ZNF780B: variants seen among roughly 807,000 people sequenced by gnomAD.
The protein encoded by ZNF780B is zinc finger protein 780B, also known as zinc finger protein 779.
In ZNF780B, 52 loss-of-function variants were observed where a neutral mutation model predicts 74.1. The observed-to-expected ratio is 0.70, with a 90% CI of 0.56 to 0.88. ZNF780B has a LOEUF of 0.88. ZNF780B is among the 40% of genes least tolerant of loss of function. ZNF780B has a pLI of 0.00. For synonymous variants in ZNF780B, 315 were observed against 324.3 expected, an observed-to-expected ratio of 0.97 and a Z score of 0.31; for missense variants, 953 against 1,007.6, an observed-to-expected ratio of 0.95 and a Z score of 0.73.
chr19:40,050,423 G>A (rs1179792295), intron 1 of ZNF780B, 46 bp from the exon 2 acceptor site: 36 of 1,478,076 alleles, frequency 2.4e-5, no homozygotes, highest in South Asian at 8.4e-5. Context: ...AGCTGTGTCC[G>A]AAAGCACTAG....
intron 1 of ZNF780B, chr19:40,055,657 G>A (rs1363401770): frequency 1.3e-5 from 2 of 152,186 alleles, no homozygotes; most frequent in Admixed American, 6.5e-5. Flanking sequence ...AGATCTCTGA[G>A]GGACGCTGGG....
At chr19:40,039,753 T>C (rs1023593814) in intron 4 of ZNF780B, among the ~76,000 whole-genome samples, 2 of 152,214 alleles carry the variant, frequency 1.3e-5, no homozygotes, top group African/African-American at 4.8e-5. Flanking sequence ...TTTTTGTACA[T>C]TGATTTTGTA....
chr19:40,048,890 G>A (rs142342726), intron 2 of ZNF780B, 94 bp from the exon 3 acceptor site: 1 of 1,566,608 alleles, frequency 6.4e-7, no homozygotes, highest in East Asian at 2.2e-5. Flanking sequence ...CAATAAAGGA[G>A]CAATATGGAA....
chr19:40,033,580 A>C lies in ZNF780B; in HGVS notation c.*777T>G, dbSNP rs1485323773. On this transcript the variant is annotated 3_prime_UTR_variant, in exon 5 of 5. Transcript: ENST00000434248. ...CCAGGCCACGATGAAAGTTCTTCAC[A>C]CATTCTTTTATGTTCACAGGATTTC... 6.5e-6 allele frequency: 1 copy of C among 153,030 alleles called. No individual in the cohort carries two copies. The allele number at this position is 153,030 out of a possible 1,614,324, so 9.5% of individuals were successfully genotyped here.
At position 40,036,045 on chromosome 19, in the gene ZNF780B, C is replaced by G; in HGVS notation, c.814G>C (p.Ala272Pro). 1.9e-6 allele frequency: 3 copies of G among 1,613,674 alleles called. No homozygotes were observed. The highest frequency in any genetic ancestry group is 2.2e-5 in the South Asian group (2 of 91,022). Reference sequence around the variant, plus strand: ...TTACATTGATATGGTTTTACACCAGCATGAATACTTTGATGCTGAGTAAGG... The same window carrying G: ...TTACATTGATATGGTTTTACACCAGGATGAATACTTTGATGCTGAGTAAGG... ...SNLTQHQSIHAGVKPYQCKEC... is the reference protein window; with the variant it reads ...SNLTQHQSIHPGVKPYQCKEC... Residue 272 changes from alanine to proline, a missense_variant, in exon 5 of 5, where the codon GCT becomes CCT. By Grantham distance (27) the Ala-to-Pro change is conservative. Transcript: ENST00000434248.
chr19:40,030,338 C>G lies in ZNF780B; in HGVS notation c.*4019G>C, dbSNP rs958157315. 2.2e-4 allele frequency: 34 copies of G among 152,228 alleles called. No homozygotes were observed. The highest frequency in any genetic ancestry group is 8.2e-4 in the African/African-American group (34 of 41,402). 9.4% of individuals were successfully genotyped at this position (152,228 alleles called of 1,614,324 possible). A position where few individuals can be genotyped will look rare whatever the true frequency, so the allele number is the denominator to read the frequency against. On this transcript the variant is annotated 3_prime_UTR_variant, in exon 5 of 5. Transcript: ENST00000434248. ...GTGCCAGGCTCTTTTGTACAACCAG[C>G]TCTCATAGGAACTAACAGAGTGATA...
rs777119115 is a variant in ZNF780B, at chr19:40,048,691, A to C, written c.115T>G (p.Tyr39Asp). 7 of 1,614,226 alleles carry C rather than the reference A, an allele frequency of 4.3e-6. No individual in the cohort carries two copies. The South Asian group carries it at 7.7e-5, about 18-fold the overall frequency. Residue 39 changes from tyrosine (Y) to aspartate (D), a missense_variant, in exon 3 of 5, where the codon TAC becomes GAC. Tyr to Asp is a radical substitution (Grantham distance 160, BLOSUM62 -3). Transcript: ENST00000434248. The part of the protein sequence containing the change: ...TLYRDVMLEN[Y>D]SHLISLGSSI... ...TTACCCAGTGATATCAGGTGGCTGT[A>C]GTTCTCCAACATCACATCCCTGTAC... is the stretch of plus-strand genomic sequence containing the variant.
At chr19:40,049,323 CA>C (rs1295288036) in intron 2 of ZNF780B, among the ~76,000 whole-genome samples, 1 of 149,720 alleles carries the variant, frequency 6.7e-6, no homozygotes, top group East Asian at 1.9e-4. Flanking sequence ...CAGATGATAG[CA>C]AAAGTATTTT....
In ZNF780B at chr19:40,034,938, A is replaced by G; in HGVS notation, c.1921T>C (p.Phe641Leu). Residue 641 changes from phenylalanine (F) to leucine (L), a missense_variant, in exon 5 of 5, where the codon TTT (phenylalanine) becomes CTT (leucine). Phe to Leu is a conservative substitution (Grantham distance 22). Transcript: ENST00000434248. ...HKNIHTGEKP[F>L]KCKECGKSFN... ...GACTTCCCACATTCTTTACATTTAA[A>G]TGGCTTCTCACCTGTGTGAATGTTC... 6.2e-7 allele frequency: 1 copy of G among 1,614,104 alleles called. No individual in the cohort carries two copies. The highest frequency in any genetic ancestry group is 8.5e-7 in the Non-Finnish European group (1 of 1,180,020).
At chr19:40,053,460 G>A (rs897268562) in intron 1 of ZNF780B, among the ~76,000 whole-genome samples, 7 of 152,184 alleles carry the variant, frequency 4.6e-5, no homozygotes, top group African/African-American at 1.7e-4. Flanking sequence ...CACTGTTGGT[G>A]AGAATGTAAA....
In ZNF780B at chr19:40,036,006, C is replaced by T. The variant is rs770128550; in HGVS notation, c.853G>A (p.Ala285Thr). ...KPYQCKECGK[A>T]FNRGSNLIQH... is the part of the protein sequence containing the mutation. Reference sequence around the variant, plus strand: ...ATAAGATTTGAACCACGATTAAAGGCTTTCCCACACTCCTTACATTGATAT... The same window carrying T: ...ATAAGATTTGAACCACGATTAAAGGTTTTCCCACACTCCTTACATTGATAT... The change falls in exon 5 of 5, where the codon GCC (alanine) becomes ACC (threonine). Residue 285 changes from alanine (A) to threonine (T), a missense_variant. Transcript: ENST00000434248. The T allele has an allele frequency of 6.2e-7, 1 of 1,614,052 alleles. No individual in the cohort carries two copies. The highest frequency in any genetic ancestry group is 1.7e-5 in the Admixed American group (1 of 60,000).
intron 1 of ZNF780B, among the ~76,000 whole-genome samples, chr19:40,050,605 A>C (rs1973179602): frequency 6.6e-6 from 1 of 152,180 alleles, no homozygotes; most frequent in Non-Finnish European, 1.5e-5. Context: ...ATCCCAGGGA[A>C]CCTGCGGCGG....
chr19:40,053,790 A>G (rs1409032263), intron 1 of ZNF780B, among the ~76,000 whole-genome samples: 2 of 152,220 alleles, frequency 1.3e-5, no homozygotes, highest in Non-Finnish European at 2.9e-5. Context: ...AGAAATTCAT[A>G]TTAAGTAAGC....
In ZNF780B at chr19:40,048,658, C is replaced by G; in HGVS notation, c.136+12G>C. 6.2e-7 allele frequency: 1 copy of G among 1,614,054 alleles called. No homozygotes were observed. The highest frequency in any genetic ancestry group is 8.5e-7 in the Non-Finnish European group (1 of 1,180,002). ...GAACAGATACAAAAATAACTGGGAC[C>G]AATGACCTTACCCAGTGATATCAGG... On this transcript the variant is annotated intron_variant, in intron 3 of 4. Coordinates refer to ENST00000434248, the MANE Select transcript of ZNF780B (RefSeq NM_001005851.3).
At position 40,032,717 on chromosome 19, in the gene ZNF780B, CA is replaced by C. The variant is rs34975062; in HGVS notation, c.*1639del. The C allele has an allele frequency of 0.13, 7,692 of 58,688 alleles. 534 individuals carry two copies. Among genetic ancestry groups the C allele is most frequent in the African/African-American group, 0.32 (7,142 of 22,302 alleles). The allele number at this position is 58,688 out of a possible 1,614,324, so 3.6% of individuals were successfully genotyped here. ...TGGGCGACAGAGCGAGACTCCATCT[CA>C]AAAAAAAAAAAAAAAAAAGAGAAAA... On this transcript the variant is annotated 3_prime_UTR_variant, in exon 5 of 5. Coordinates refer to ENST00000434248, the MANE Select transcript of ZNF780B (RefSeq NM_001005851.3).
intron 1 of ZNF780B, among the ~76,000 whole-genome samples, chr19:40,051,212 T>TCACA (rs571128446): frequency 5.2e-4 from 77 of 146,978 alleles, no homozygotes; most frequent in African/African-American, 1.7e-3. Context: ...ATAATTATAT[T>TCACA]CACACACACA....
At chr19:40,048,416 C>T (rs1266256394) in intron 3 of ZNF780B, among the ~76,000 whole-genome samples, 1 of 152,200 alleles carries the variant, frequency 6.6e-6, no homozygotes, top group African/African-American at 2.4e-5. Context: ...ATTTCAAATT[C>T]AGCCCCATGG....
chr19:40,044,856 C>T (rs993090671), intron 4 of ZNF780B, among the ~76,000 whole-genome samples: 1 of 152,114 alleles, frequency 6.6e-6, no homozygotes, highest in Admixed American at 6.5e-5. Context: ...TATCAGTAAT[C>T]ACACTGAACG....
rs1247755722 is a variant in ZNF780B at position 40,030,929 on chromosome 19, A to G, written c.*3428T>C. 2.6e-5 allele frequency: 4 copies of G among 152,274 alleles called. No homozygotes were observed. Among genetic ancestry groups the G allele is most frequent in the Non-Finnish European group, 5.9e-5 (4 of 68,050 alleles). The allele number at this position is 152,274 out of a possible 1,614,324, so 9.4% of individuals were successfully genotyped here. On this transcript the variant is annotated 3_prime_UTR_variant, in exon 5 of 5. Coordinates refer to ENST00000434248, the MANE Select transcript of ZNF780B (RefSeq NM_001005851.3). ...AAGATTTGAAAGCCAAGTTTTATATAATCTTGTTTTATAAGTTGTATAACA... is the reference window on the plus strand; with the variant it reads ...AAGATTTGAAAGCCAAGTTTTATATGATCTTGTTTTATAAGTTGTATAACA...
Sources: allele counts gnomAD v4.1 joint callset (sites outside exome capture counted in the v4.1 genomes callset), GRCh38; gene constraint gnomAD v4.1.1; transcripts MANE v1.5; gene names NCBI Gene and HGNC (gene_info 2026-07-23, HGNC 2026-07-21).